The following ANKRD30B variants were observed in gnomAD, a reference collection of about 807,000 sequenced individuals.
The protein encoded by ANKRD30B is ankyrin repeat domain-containing protein 30B.
Under a neutral mutation model 202.2 loss-of-function variants are expected in ANKRD30B, and 144 were observed. The ratio of observed to expected loss-of-function variants is 0.71; its 90% CI spans 0.62 to 0.82. The LOEUF (loss-of-function observed/expected upper bound fraction) is 0.82, where lower values mean the gene tolerates loss of function less well. ANKRD30B is among the 40% of genes least tolerant of loss of function. The probability of loss-of-function intolerance (pLI) is 0.00; values close to 1 mark genes in which losing one functional copy is unlikely to be tolerated. For synonymous variants in ANKRD30B, 508 were observed against 561.3 expected, an observed-to-expected ratio of 0.91 and a Z score of 1.34; for missense variants, 1,487 against 1,669.1, an observed-to-expected ratio of 0.89 and a Z score of 1.90.
intron 1 of ANKRD30B, among the ~76,000 whole-genome samples, chr18:14,752,116 A>G (rs1472419813): frequency 2.6e-5 from 4 of 152,192 alleles, no homozygotes; most frequent in Non-Finnish European, 5.9e-5. Flanking sequence ...TGTTTTCTTT[A>G]TTAAGTAGTA....
At chr18:14,921,205 GAC>G in the ANKRD30B span, among the ~76,000 whole-genome samples, 1 of 151,850 alleles carries the variant, frequency 6.6e-6, no homozygotes, top group African/African-American at 2.4e-5. Context: ...GAGGGCAGGA[GAC>G]ACATGAGGCA....
the ANKRD30B span, among the ~76,000 whole-genome samples, chr18:14,928,343 C>A: frequency 6.6e-6 from 1 of 152,150 alleles, no homozygotes; most frequent in Admixed American, 6.5e-5. Flanking sequence ...AAACATATTT[C>A]TGGATGAATC....
the ANKRD30B span, among the ~76,000 whole-genome samples, chr18:14,932,012 C>A: frequency 3.0e-3 from 111 of 36,586 alleles, 13 homozygotes; most frequent in African/African-American, 0.012. Flanking sequence ...CCACCTCCCT[C>A]CTGCTCTGTC....
chr18:14,895,876 A>G, the ANKRD30B span, among the ~76,000 whole-genome samples: 1 of 152,172 alleles, frequency 6.6e-6, no homozygotes, highest in Non-Finnish European at 1.5e-5. Flanking sequence ...GAGGAGAAAA[A>G]GGATGAAAAG....
At chr18:14,923,965 C>G in the ANKRD30B span, among the ~76,000 whole-genome samples, 2 of 152,174 alleles carry the variant, frequency 1.3e-5, no homozygotes, top group Admixed American at 1.3e-4. Flanking sequence ...CAGCTTAGAT[C>G]TCATGGCTTG....
At chr18:14,834,180 CAA>C (rs1167547930) in intron 34 of ANKRD30B, among the ~76,000 whole-genome samples, 7 of 152,086 alleles carry the variant, frequency 4.6e-5, no homozygotes, top group Admixed American at 6.5e-5. Context: ...TTTTTCCATA[CAA>C]GAGGTAATTA....
rs187017186 is a variant in ANKRD30B at position 14,831,449 on chromosome 18, T to C, written c.2841T>C (p.Thr947=). Residue 947 remains threonine, a synonymous_variant, in exon 34 of 44, where the codon ACT becomes ACC. Coordinates refer to ENST00000690538, the MANE Select transcript of ANKRD30B (RefSeq NM_001367607.2). The stretch of plus-strand genomic sequence containing the variant: ...AAGTTGAGGAAGACTTTAATCTTAC[T>C]ACCAAGGTAAAATAGTCTCTTGTTA... ...STKVEEDFNL[T]TKEGATKTVT... 7,258 of 1,521,874 alleles carry C rather than the reference T, an allele frequency of 4.8e-3. 41 individuals are homozygous for C. The highest frequency in any genetic ancestry group is 0.021 in the Middle Eastern group (126 of 5,920). 94.3% of individuals were successfully genotyped at this position (1,521,874 alleles called of 1,614,324 possible).
chr18:14,756,607 A>G (rs527395118), intron 4 of ANKRD30B, among the ~76,000 whole-genome samples: 3 of 152,266 alleles, frequency 2.0e-5, no homozygotes, highest in African/African-American at 4.8e-5. Context: ...AAAAAATGCA[A>G]TATTTGCTGG....
chr18:14,777,761 G>A (rs1288812310), intron 9 of ANKRD30B, among the ~76,000 whole-genome samples: 2 of 151,748 alleles, frequency 1.3e-5, no homozygotes, highest in Non-Finnish European at 2.9e-5. Flanking sequence ...GGCCAACATG[G>A]TGAAACGCCA....
intron 8 of ANKRD30B, 32 bp downstream of exon 8, chr18:14,769,405 G>A: frequency 6.6e-7 from 1 of 1,525,708 alleles, no homozygotes; most frequent in Non-Finnish European, 8.9e-7. Flanking sequence ...AAACGAATAG[G>A]TTAACTCAGA....
intron 30 of ANKRD30B, among the ~76,000 whole-genome samples, chr18:14,821,201 G>A (rs929451647): frequency 9.9e-5 from 15 of 152,014 alleles, no homozygotes; most frequent in Admixed American, 2.0e-4. Context: ...TGTGGGATCG[G>A]TGGTGATATC....
chr18:14,864,460 G>A, the ANKRD30B span, among the ~76,000 whole-genome samples: 9 of 151,962 alleles, frequency 5.9e-5, no homozygotes, highest in African/African-American at 1.4e-4. Context: ...TTTCCTGACC[G>A]TCTTTGGCTC....
chr18:14,775,090 G>T (rs939100355), intron 9 of ANKRD30B, among the ~76,000 whole-genome samples: 2 of 152,218 alleles, frequency 1.3e-5, no homozygotes, highest in African/African-American at 4.8e-5. Flanking sequence ...TCATGCCACT[G>T]CACTCCAGCC....
At chr18:14,890,065 C>A in the ANKRD30B span, 1 of 1,277,270 alleles carries the variant, frequency 7.8e-7, no homozygotes, top group Non-Finnish European at 1.1e-6. Flanking sequence ...ACAATCCCAA[C>A]TGCCACTGTC....
Position 14,754,768 on chromosome 18 carries a change from G to A in ANKRD30B, c.511-131G>A, listed in dbSNP as rs557230030. On this transcript the variant is annotated intron_variant, in intron 3 of 43. Coordinates refer to ENST00000690538, the MANE Select transcript of ANKRD30B (RefSeq NM_001367607.2). The stretch of plus-strand genomic sequence containing the variant: ...GAAAGCACAGAAAAAGGAGAAAGAA[G>A]GGACTGCTATTGATTTACTTATTTA... 6.5e-4 allele frequency: 362 copies of A among 556,316 alleles called. 2 individuals carry two copies. In the East Asian group the frequency reaches 8.6e-3, roughly 13 times the overall value. The allele number at this position is 556,316 out of a possible 1,614,324, so 34.5% of individuals were successfully genotyped here.
chr18:14,926,737 C>A, the ANKRD30B span, among the ~76,000 whole-genome samples: 1 of 152,138 alleles, frequency 6.6e-6, no homozygotes, highest in African/African-American at 2.4e-5. Context: ...CCAGCCTGGG[C>A]AAAATACTAG....
chr18:14,875,559 G>A, the ANKRD30B span, among the ~76,000 whole-genome samples: 30 of 152,122 alleles, frequency 2.0e-4, no homozygotes, highest in Non-Finnish European at 4.1e-4. Context: ...AGGAGGAGGA[G>A]CCCCTGGACA....
the ANKRD30B span, among the ~76,000 whole-genome samples, chr18:14,931,574 G>C: frequency 6.6e-6 from 1 of 152,176 alleles, no homozygotes; most frequent in African/African-American, 2.4e-5. Context: ...TCCCTGAACT[G>C]ACAGAGGAGG....
intron 15 of ANKRD30B, among the ~76,000 whole-genome samples, chr18:14,789,002 G>T (rs917683291): frequency 1.2e-4 from 19 of 152,046 alleles, no homozygotes; most frequent in African/African-American, 4.6e-4. Context: ...CTAGTTTACA[G>T]TCCCACCAAC....
Sources: gnomAD v4.1 joint callset for allele counts (sites outside exome capture counted in the v4.1 genomes callset) on GRCh38, gnomAD v4.1.1 for gene constraint, MANE v1.5 for transcripts, NCBI Gene and HGNC (gene_info 2026-07-23, HGNC 2026-07-21) for gene names.